The following MACROD2 variants were observed in gnomAD, a reference collection of about 807,000 sequenced individuals.
MACROD2 encodes mono-ADP ribosylhydrolase 2.
A neutral mutation model predicts 70.4 loss-of-function variants in MACROD2; 36 were observed. That is an observed-to-expected ratio of 0.51 (90% CI 0.39 to 0.68). The LOEUF is 0.68. Ranked by LOEUF, MACROD2 falls within the 30% of genes least tolerant of loss-of-function variation. The pLI is 0.00. For missense variants in MACROD2, 496 were observed against 538.4 expected, an observed-to-expected ratio of 0.92 and a Z score of 0.78; for synonymous variants, 172 against 178.8, an observed-to-expected ratio of 0.96 and a Z score of 0.30.
intron 5 of MACROD2, among the ~76,000 whole-genome samples, chr20:15,195,607 A>G (rs929989209): frequency 2.6e-5 from 4 of 152,212 alleles, no homozygotes; most frequent in African/African-American, 7.2e-5. Context: ...TTGCAGAGAA[A>G]AAGGAACGCT....
intron 8 of MACROD2, among the ~76,000 whole-genome samples, chr20:15,503,994 C>T: frequency 6.6e-6 from 1 of 152,204 alleles, no homozygotes; most frequent in East Asian, 1.9e-4. Context: ...TTGAGGCTGT[C>T]ATATAATTGA....
At chr20:14,892,448 T>G (rs971078852) in intron 5 of MACROD2, among the ~76,000 whole-genome samples, 1 of 151,908 alleles carries the variant, frequency 6.6e-6, no homozygotes, top group Non-Finnish European at 1.5e-5. Flanking sequence ...GGCAATAGAG[T>G]GAGACTCCAT....
At chr20:14,964,746 C>T (rs1477043964) in intron 5 of MACROD2, among the ~76,000 whole-genome samples, 1 of 152,092 alleles carries the variant, frequency 6.6e-6, no homozygotes, top group African/African-American at 2.4e-5. Context: ...TGAACCCAAG[C>T]AGTCCCATAG....
intron 8 of MACROD2, among the ~76,000 whole-genome samples, chr20:15,614,811 T>G (rs555746840): frequency 6.6e-6 from 1 of 152,314 alleles, no homozygotes; most frequent in East Asian, 1.9e-4. Flanking sequence ...ACTTTTTTAT[T>G]AAGTTTCTAA....
chr20:15,397,911 A>G (rs2045880456), intron 6 of MACROD2, among the ~76,000 whole-genome samples: 1 of 152,196 alleles, frequency 6.6e-6, no homozygotes, highest in African/African-American at 2.4e-5. Flanking sequence ...CAATATGACA[A>G]ATCCCTTCTC....
Position 14,326,790 on chromosome 20 carries a change from A to G in MACROD2, c.272-166689A>G. 6.2e-7 allele frequency: 1 copy of G among 1,613,836 alleles called. No individual in the cohort carries two copies. Among genetic ancestry groups the G allele is most frequent in the Non-Finnish European group, 8.5e-7 (1 of 1,179,820 alleles). On this transcript the variant is annotated intron_variant, in intron 3 of 17. Transcript: ENST00000684519. The surrounding 1 kb of genome is among the most constrained non-coding windows in gnomAD (Gnocchi z 5.5). Reference sequence around the variant, plus strand: ...TTGTGCCTGGAAGGTTTACTGGTGCAGCAGTCAGGGAATTCCGCACCAGGG... The same window carrying G: ...TTGTGCCTGGAAGGTTTACTGGTGCGGCAGTCAGGGAATTCCGCACCAGGG...
At chr20:15,044,258 T>C (rs1208522715) in intron 5 of MACROD2, among the ~76,000 whole-genome samples, 2 of 152,194 alleles carry the variant, frequency 1.3e-5, no homozygotes, top group Non-Finnish European at 2.9e-5. Flanking sequence ...AGCCTTATTA[T>C]GAATAACCAA....
intron 5 of MACROD2, among the ~76,000 whole-genome samples, chr20:14,759,873 G>A (rs1180838713): frequency 6.6e-6 from 1 of 151,998 alleles, no homozygotes; most frequent in Non-Finnish European, 1.5e-5. Flanking sequence ...TTAATGGTAG[G>A]TGCTTTTCTG....
intron 5 of MACROD2, among the ~76,000 whole-genome samples, chr20:15,162,935 G>A (rs1568610322): frequency 6.6e-6 from 1 of 152,000 alleles, no homozygotes; most frequent in Non-Finnish European, 1.5e-5. Context: ...AAAATAATAT[G>A]CATTAAACAT....
At chr20:15,281,744 G>C (rs2077446682) in intron 6 of MACROD2, among the ~76,000 whole-genome samples, 1 of 152,204 alleles carries the variant, frequency 6.6e-6, no homozygotes, top group African/African-American at 2.4e-5. Flanking sequence ...AGTGCAAGCT[G>C]TCAGTGGATC....
At chr20:14,238,803 C>T (rs529310011) in intron 3 of MACROD2, among the ~76,000 whole-genome samples, 71 of 151,724 alleles carry the variant, frequency 4.7e-4, no homozygotes, top group African/African-American at 1.2e-3. Flanking sequence ...CCGAGGCGGG[C>T]GGATCATTAG....
At chr20:14,028,150 G>A (rs943039737) in intron 2 of MACROD2, among the ~76,000 whole-genome samples, 7 of 152,170 alleles carry the variant, frequency 4.6e-5, no homozygotes, top group South Asian at 4.1e-4. Context: ...TGGCTACAGC[G>A]GCTCTGCGGA....
intron 12 of MACROD2, among the ~76,000 whole-genome samples, chr20:15,956,267 C>T (rs1020876828): frequency 6.6e-6 from 1 of 152,188 alleles, no homozygotes; most frequent in African/African-American, 2.4e-5. Context: ...AATGATATGA[C>T]CTGAGCCTTT....
chr20:14,282,596 GA>G (rs2082314939), intron 3 of MACROD2, among the ~76,000 whole-genome samples: 3 of 152,166 alleles, frequency 2.0e-5, no homozygotes, highest in African/African-American at 7.2e-5. Flanking sequence ...AAATACCGGA[GA>G]CTGGGTAATT....
intron 6 of MACROD2, among the ~76,000 whole-genome samples, chr20:15,284,348 G>A (rs917362967): frequency 6.6e-6 from 1 of 152,032 alleles, no homozygotes; most frequent in Non-Finnish European, 1.5e-5. Context: ...TTGTATTCCT[G>A]TATTGTCATT....
chr20:14,480,722 A>G (rs2084653746), intron 3 of MACROD2, among the ~76,000 whole-genome samples: 1 of 152,146 alleles, frequency 6.6e-6, no homozygotes, highest in Non-Finnish European at 1.5e-5. Flanking sequence ...GTATTTTTTG[A>G]TGTCCAGAGG....
intron 8 of MACROD2, among the ~76,000 whole-genome samples, chr20:15,735,341 CAT>C (rs1283072852): frequency 2.0e-5 from 3 of 152,116 alleles, no homozygotes; most frequent in Non-Finnish European, 4.4e-5. Flanking sequence ...TTGTCTGACT[CAT>C]AATGAATATG....
chr20:15,573,200 G>A (rs2048398708), intron 8 of MACROD2, among the ~76,000 whole-genome samples: 3 of 152,102 alleles, frequency 2.0e-5, no homozygotes, highest in Admixed American at 6.6e-5. Flanking sequence ...GTTTTCCCAT[G>A]TCGTTTTAAA....
intron 3 of MACROD2, among the ~76,000 whole-genome samples, chr20:14,151,548 T>C (rs2055021128): frequency 6.6e-6 from 1 of 152,204 alleles, no homozygotes; most frequent in Non-Finnish European, 1.5e-5. Flanking sequence ...CTTCCCCCTC[T>C]GATCTCAGCC....
Sources: allele counts gnomAD v4.1 joint callset (sites outside exome capture counted in the v4.1 genomes callset), GRCh38; gene constraint gnomAD v4.1.1; non-coding constraint Gnocchi (gnomAD v3.1); transcripts MANE v1.5; gene names NCBI Gene and HGNC (gene_info 2026-07-23, HGNC 2026-07-21).